The following FBN1 variants were observed in gnomAD, a reference collection of about 807,000 sequenced individuals.
The protein encoded by FBN1 is fibrillin-1.
Under a neutral mutation model 365.1 loss-of-function variants are expected in FBN1, and 29 were observed. The ratio of observed to expected loss-of-function variants is 0.08; its 90% confidence interval spans 0.06 to 0.11. The LOEUF is 0.11. FBN1 is among the 10% of genes least tolerant of loss of function. The pLI is 1.00. For missense variants in FBN1, 2,476 were observed against 3,703.2 expected (o/e 0.67, Z 8.60); for synonymous variants, 1,210 against 1,270.5 (o/e 0.95, Z 1.01).
intron 2 of FBN1, 185 bp downstream of exon 2, chr15:48,644,421 T>C: frequency 1.3e-6 from 1 of 763,046 alleles, no homozygotes; most frequent in Non-Finnish European, 2.2e-6. Flanking sequence ...GGGGCAGAAA[T>C]CTCTGGGAGT....
intron 63 of FBN1, among the ~76,000 whole-genome samples, chr15:48,418,156 T>C (rs2042915785): frequency 6.6e-6 from 1 of 152,248 alleles, no homozygotes; most frequent in Non-Finnish European, 1.5e-5. Context: ...TATTAAAAGC[T>C]GTCTATACAT....
At chr15:48,589,404 G>A (rs937945751) in intron 6 of FBN1, among the ~76,000 whole-genome samples, 2 of 152,098 alleles carry the variant, frequency 1.3e-5, no homozygotes, top group African/African-American at 2.4e-5. Context: ...CTGCGAGACA[G>A]AGGAGCATGT....
rs115708027 is a variant in FBN1, at chr15:48,553,416, C to G, written c.539-15608G>C. Among the ~76,000 whole-genome samples, 408 of 152,198 alleles carry G rather than the reference C, an allele frequency of 2.7e-3. 2 individuals carry two copies. The highest frequency in any genetic ancestry group is 9.5e-3 in the African/African-American group (394 of 41,550). On this transcript the variant is annotated intron_variant, in intron 6 of 65. Coordinates refer to ENST00000316623, the MANE Select transcript of FBN1 (RefSeq NM_000138.5). The stretch of plus-strand genomic sequence containing the variant: ...AATGGATTGAAAAGAAAGCAAAGAA[C>G]TATGTAAATGCCTAGGTAGGTTCCC...
chr15:48,596,399 T>C (rs2044516418), intron 5 of FBN1, 21 bp from the exon 6 acceptor site: 1 of 1,603,472 alleles, frequency 6.2e-7, no homozygotes, highest in Middle Eastern at 1.7e-4. Flanking sequence ...AGGAGAGAGC[T>C]GAGACGCTTT....
At chr15:48,430,552 G>T in intron 56 of FBN1, 119 bp downstream of exon 56, 2 of 1,160,692 alleles carry the variant, frequency 1.7e-6, no homozygotes, top group Non-Finnish European at 2.6e-6. Flanking sequence ...CTGACATGCG[G>T]TTAAGAGAAC....
At chr15:48,507,136 A>T (rs2043715769) in intron 15 of FBN1, among the ~76,000 whole-genome samples, 1 of 152,206 alleles carries the variant, frequency 6.6e-6, no homozygotes, top group African/African-American at 2.4e-5. Context: ...CTGGGTCAGC[A>T]GGAGCCTAGA....
chr15:48,630,258 G>A (rs1889959544), intron 2 of FBN1, among the ~76,000 whole-genome samples: 1 of 152,106 alleles, frequency 6.6e-6, no homozygotes, highest in Non-Finnish European at 1.5e-5. Context: ...TTGTGTATCA[G>A]GTCCATAAAA....
intron 6 of FBN1, among the ~76,000 whole-genome samples, chr15:48,564,057 C>A (rs1460337309): frequency 6.6e-6 from 1 of 152,090 alleles, no homozygotes; most frequent in Non-Finnish European, 1.5e-5. Flanking sequence ...CATCTGGATC[C>A]TTTTATATAC....
intron 62 of FBN1, 81 bp from the exon 63 acceptor site, chr15:48,420,887 C>T: frequency 6.7e-7 from 1 of 1,485,420 alleles, no homozygotes; most frequent in Non-Finnish European, 9.3e-7. Context: ...GAAATCTGGC[C>T]CCTACACATC....
intron 2 of FBN1, among the ~76,000 whole-genome samples, chr15:48,627,005 GGCTACACAA>G (rs1476643842): frequency 6.6e-6 from 1 of 152,094 alleles, no homozygotes; most frequent in Non-Finnish European, 1.5e-5. Context: ...ATTTTTCAAA[GGCTACACAA>G]TGGAAACGTC....
At chr15:48,502,547 A>C (rs1364592409) in intron 17 of FBN1, among the ~76,000 whole-genome samples, 4 of 152,180 alleles carry the variant, frequency 2.6e-5, no homozygotes, top group African/African-American at 9.7e-5. Flanking sequence ...AGAGCTACAT[A>C]TTTTCAATAT....
intron 6 of FBN1, among the ~76,000 whole-genome samples, chr15:48,569,038 C>T (rs1006811176): frequency 7.9e-5 from 12 of 151,786 alleles, no homozygotes; most frequent in Non-Finnish European, 1.6e-4. Flanking sequence ...GGCGCCATTA[C>T]GAAAATTAAA....
At chr15:48,596,452 G>T (rs1387144298) in intron 5 of FBN1, 74 bp from the exon 6 acceptor site, 2 of 1,373,262 alleles carry the variant, frequency 1.5e-6, no homozygotes, top group East Asian at 2.3e-5. Flanking sequence ...GTGGTCCTCT[G>T]GAAGGACAAC....
rs187141854 is a variant in FBN1 at position 48,631,007 on chromosome 15, A to G, written c.164+13599T>C. ...CCGCAACTTCTTAGAGTTTACTGCCAATCAGTTAACCAGAGCTGGCATGTA... is the reference window on the plus strand; with the variant it reads ...CCGCAACTTCTTAGAGTTTACTGCCGATCAGTTAACCAGAGCTGGCATGTA... On this transcript the variant is annotated intron_variant, in intron 2 of 65. Coordinates refer to ENST00000316623, the MANE Select transcript of FBN1 (RefSeq NM_000138.5). Among the ~76,000 whole-genome samples, 236 of 152,302 alleles carry G rather than the reference A, an allele frequency of 1.5e-3. 1 individual carries two copies. The highest frequency in any genetic ancestry group is 5.4e-3 in the African/African-American group (224 of 41,570).
At chr15:48,414,810 C>T (rs570658283) in intron 64 of FBN1, among the ~76,000 whole-genome samples, 2 of 151,092 alleles carry the variant, frequency 1.3e-5, no homozygotes, top group South Asian at 2.1e-4. Context: ...GCAGGAGAAT[C>T]GCGTGAACCC....
At chr15:48,571,266 T>G (rs2044303667) in intron 6 of FBN1, among the ~76,000 whole-genome samples, 1 of 152,172 alleles carries the variant, frequency 6.6e-6, no homozygotes, top group Non-Finnish European at 1.5e-5. Flanking sequence ...TTATCACTGG[T>G]TTAAACTAGG....
At chr15:48,442,319 A>G (rs1302450958) in intron 49 of FBN1, among the ~76,000 whole-genome samples, 1 of 152,190 alleles carries the variant, frequency 6.6e-6, no homozygotes, top group Non-Finnish European at 1.5e-5. Flanking sequence ...ACTTTTCCCA[A>G]TACCCTATGC....
intron 50 of FBN1, among the ~76,000 whole-genome samples, chr15:48,440,109 T>A (rs904506767): frequency 1.3e-5 from 2 of 152,196 alleles, no homozygotes; most frequent in East Asian, 3.9e-4. Flanking sequence ...ATCAAGGGTG[T>A]CTTGCATTGG....
intron 6 of FBN1, among the ~76,000 whole-genome samples, chr15:48,542,782 TGTGTG>T (rs1566923378): frequency 6.5e-4 from 1 of 1,548 alleles, no homozygotes; most frequent in African/African-American, 1.5e-3. Flanking sequence ...GACTCTAAGA[TGTGTG>T]TGTGTGTGTG....
Sources: allele counts gnomAD v4.1 joint callset (sites outside exome capture counted in the v4.1 genomes callset), GRCh38; gene constraint gnomAD v4.1.1; transcripts MANE v1.5; gene names NCBI Gene and HGNC (gene_info 2026-07-23, HGNC 2026-07-21).